MFSD6: variants seen among roughly 807,000 people sequenced by gnomAD.
MFSD6 encodes the protein major facilitator superfamily domain-containing protein 6.
MFSD6 carries 26 observed loss-of-function variants against 56.3 expected under a neutral mutation model. That is an observed-to-expected ratio of 0.46 (90% confidence interval 0.34 to 0.64). The LOEUF is 0.64. MFSD6 is among the 30% of genes least tolerant of loss of function. MFSD6 has a pLI of 0.01. For missense variants in MFSD6, 750 were observed against 986.2 expected (o/e 0.76, Z 3.21); for synonymous variants, 331 against 366.9 (o/e 0.90, Z 1.12).
At chr2:190,420,954 A>T (rs926085645) in intron 2 of MFSD6, among the ~76,000 whole-genome samples, 11 of 152,242 alleles carry the variant, frequency 7.2e-5, no homozygotes, top group African/African-American at 2.7e-4. Flanking sequence ...AAACATTTCC[A>T]TAACGACTTT....
intron 2 of MFSD6, among the ~76,000 whole-genome samples, chr2:190,429,121 G>T (rs1685877419): frequency 6.6e-6 from 1 of 151,824 alleles, no homozygotes; most frequent in Non-Finnish European, 1.5e-5. Context: ...GCCTATTCAA[G>T]CTTTTTGCTT....
upstream of MFSD6, among the ~76,000 whole-genome samples, chr2:190,408,011 G>C (rs1337421239): frequency 1.3e-5 from 2 of 152,212 alleles, no homozygotes; most frequent in East Asian, 3.9e-4. Flanking sequence ...GCCTCGCCCA[G>C]TGCTTTCGCC....
chr2:190,436,812 T>C lies in MFSD6; in HGVS notation c.783T>C (p.Thr261=), dbSNP rs1057361070. The C allele has an allele frequency of 6.2e-7, 1 of 1,614,100 alleles. No homozygotes were observed. Among genetic ancestry groups the C allele is most frequent in the Non-Finnish European group, 8.5e-7 (1 of 1,180,046 alleles). The part of the protein sequence containing the change: ...SPGSVTKETT[T]VIVTTTKSLP... ...GAAGCGTAACCAAGGAGACAACCAC[T>C]GTTATTGTTACCACCACCAAATCTT... The change falls in exon 3 of 8, where the codon ACT becomes ACC. Residue 261 remains threonine, a synonymous_variant. Transcript: ENST00000392328. The surrounding 1 kb of genome is among the most constrained non-coding windows in gnomAD (Gnocchi z 5.3).
chr2:190,436,976 A>G lies in MFSD6; in HGVS notation c.947A>G (p.Tyr316Cys). Residue 316 changes from tyrosine (Y) to cysteine (C), a missense_variant, in exon 3 of 8, where the codon TAT (tyrosine) becomes TGT (cysteine). Transcript: ENST00000392328. This position sits in a 1 kb window ranked among gnomAD's most constrained non-coding sequence, Gnocchi z 5.3. ...VTIVDTVTLQYLGKHRDRYGL... is the reference protein window; with the variant it reads ...VTIVDTVTLQCLGKHRDRYGL... ...ATCGTAGACACGGTCACACTCCAGT[A>G]TCTGGGAAAACACAGAGATCGCTAT... The G allele has an allele frequency of 6.2e-7, 1 of 1,614,244 alleles. No individual in the cohort carries two copies. The highest frequency in any genetic ancestry group is 8.5e-7 in the Non-Finnish European group (1 of 1,180,050).
rs764378057 is a variant in MFSD6 at position 190,469,788 on chromosome 2, G to A, written c.1563G>A (p.Thr521=). ...RVLYIGLACN[T]ARYIYISYLE... ...TGTACATTGGCCTGGCCTGCAATAC[G>A]GCTCGCTATATTTATATTTCCTACC... The change falls in exon 4 of 8, where the codon ACG becomes ACA. Residue 521 remains threonine, a synonymous_variant. Coordinates refer to ENST00000392328, the MANE Select transcript of MFSD6 (RefSeq NM_017694.4). The surrounding 1 kb of genome is among the most constrained non-coding windows in gnomAD (Gnocchi z 5.3). 58 of 1,605,532 alleles carry A rather than the reference G, an allele frequency of 3.6e-5. No homozygotes were observed. Among genetic ancestry groups the A allele is most frequent in the South Asian group, 7.8e-5 (7 of 90,160 alleles).
chr2:190,449,360 G>A (rs1215414324), intron 3 of MFSD6, among the ~76,000 whole-genome samples: 2 of 152,130 alleles, frequency 1.3e-5, no homozygotes, highest in Non-Finnish European at 2.9e-5. Flanking sequence ...TGTAGTCCCA[G>A]CTACTTGGGA....
chr2:190,484,130 A>C (rs561404265), intron 4 of MFSD6, among the ~76,000 whole-genome samples: 1 of 152,282 alleles, frequency 6.6e-6, no homozygotes, highest in African/African-American at 2.4e-5. Flanking sequence ...ATTGTCACTG[A>C]AGGCTCAGTG....
rs1687580354 is a variant in MFSD6, at chr2:190,465,878, A to C, written c.1533-3880A>C. ...CCTGGTAGCATGCACCTGTAATCTCAGCTACTTGGGAGGCTGAGGCAGAAG... is the reference window on the plus strand; with the variant it reads ...CCTGGTAGCATGCACCTGTAATCTCCGCTACTTGGGAGGCTGAGGCAGAAG... On this transcript the variant is annotated intron_variant, in intron 3 of 7. Coordinates refer to ENST00000392328, the MANE Select transcript of MFSD6 (RefSeq NM_017694.4). The surrounding 1 kb of genome is among the most constrained non-coding windows in gnomAD (Gnocchi z 4.6). Among the ~76,000 whole-genome samples, 1 of 152,214 alleles carries C rather than the reference A, an allele frequency of 6.6e-6. No homozygotes were observed. Among genetic ancestry groups the C allele is most frequent in the Non-Finnish European group, 1.5e-5 (1 of 68,038 alleles).
At position 190,496,387 on chromosome 2, in the gene MFSD6, A is replaced by C. The variant is rs372217305; in HGVS notation, c.1892-1052A>C. On this transcript the variant is annotated intron_variant, in intron 6 of 7. Coordinates refer to ENST00000392328, the MANE Select transcript of MFSD6 (RefSeq NM_017694.4). The surrounding 1 kb of genome is among the most constrained non-coding windows in gnomAD (Gnocchi z 4.7). ...AAACACTTCTACACTGCTGGTAGGAATGTAAGCTGTACAAACACTATGGAA... is the reference window on the plus strand; with the variant it reads ...AAACACTTCTACACTGCTGGTAGGACTGTAAGCTGTACAAACACTATGGAA... Among the ~76,000 whole-genome samples the C allele has an allele frequency of 1.5e-4, 23 of 152,332 alleles. No homozygotes were observed. In the East Asian group the frequency reaches 3.5e-3, roughly 23 times the overall value.
chr2:190,470,005 T>C, intron 4 of MFSD6, 150 bp downstream of exon 4: 1 of 570,948 alleles, frequency 1.8e-6, no homozygotes, highest in East Asian at 3.0e-5. Flanking sequence ...AGAGATGACA[T>C]CAGGAGGGAT....
rs1245333468 is a variant in MFSD6 at position 190,443,189 on chromosome 2, GA to G, written c.1532+5636del. ...GTGGGCCTAAGACATAAGCAAGGGAGAAAAAAAATAAAAGGAACAGGACTTT... is the reference window on the plus strand; with the variant it reads ...GTGGGCCTAAGACATAAGCAAGGGAGAAAAAAATAAAAGGAACAGGACTTT... On this transcript the variant is annotated intron_variant, in intron 3 of 7. Transcript: ENST00000392328. This position sits in a 1 kb window ranked among gnomAD's most constrained non-coding sequence, Gnocchi z 4.2. Among the ~76,000 whole-genome samples, 2 of 151,836 alleles carry G rather than the reference GA, an allele frequency of 1.3e-5. No homozygotes were observed. Among genetic ancestry groups the G allele is most frequent in the South Asian group, 2.1e-4 (1 of 4,822 alleles).
intron 4 of MFSD6, among the ~76,000 whole-genome samples, chr2:190,470,241 T>G (rs1481425958): frequency 6.6e-6 from 1 of 152,228 alleles, no homozygotes; most frequent in Non-Finnish European, 1.5e-5. Flanking sequence ...AAAAAAAGAT[T>G]GTTGTCATAA....
intron 4 of MFSD6, among the ~76,000 whole-genome samples, chr2:190,478,619 C>G (rs894894093): frequency 1.3e-5 from 2 of 152,118 alleles, no homozygotes; most frequent in African/African-American, 4.8e-5. Context: ...AAACAAATCA[C>G]TGAATGATTT....
Position 190,456,751 on chromosome 2 carries a change from T to C in MFSD6, c.1533-13007T>C, listed in dbSNP as rs985448252. On this transcript the variant is annotated intron_variant, in intron 3 of 7. Transcript: ENST00000392328. This position sits in a 1 kb window ranked among gnomAD's most constrained non-coding sequence, Gnocchi z 5.4. ...CAGCTGCAGGTAAGAGGTGGAAACC[T>C]TGGCTCACCCCTCGTCCTGCCTCAG... Among the ~76,000 whole-genome samples, 11 of 152,224 alleles carry C rather than the reference T, an allele frequency of 7.2e-5. No homozygotes were observed. The highest frequency in any genetic ancestry group is 2.7e-4 in the African/African-American group (11 of 41,462).
At chr2:190,453,054 G>A (rs1051306842) in intron 3 of MFSD6, among the ~76,000 whole-genome samples, 5 of 152,150 alleles carry the variant, frequency 3.3e-5, no homozygotes, top group African/African-American at 1.2e-4. Flanking sequence ...TGGAGCTCAT[G>A]TTCTGTTGGA....
At position 190,425,024 on chromosome 2, in the gene MFSD6, T is replaced by G. The variant is rs1396566997; in HGVS notation, c.-54+9611T>G. On this transcript the variant is annotated intron_variant, in intron 2 of 7. Transcript: ENST00000392328. This position sits in a 1 kb window ranked among gnomAD's most constrained non-coding sequence, Gnocchi z 4.3. ...GGATCCATTTATTTAGCTCTTTGATTTCTTTCATCAGCATTTTATGGTTTT... is the reference window on the plus strand; with the variant it reads ...GGATCCATTTATTTAGCTCTTTGATGTCTTTCATCAGCATTTTATGGTTTT... Among the ~76,000 whole-genome samples the G allele has an allele frequency of 6.6e-6, 1 of 152,230 alleles. No individual in the cohort carries two copies. The highest frequency in any genetic ancestry group is 1.5e-5 in the Non-Finnish European group (1 of 68,048).
chr2:190,449,699 T>C (rs1424267214), intron 3 of MFSD6, among the ~76,000 whole-genome samples: 1 of 152,038 alleles, frequency 6.6e-6, no homozygotes, highest in Non-Finnish European at 1.5e-5. Context: ...AAATGATGAG[T>C]TCATGTCCTT....
At chr2:190,429,194 A>G (rs1685880026) in intron 2 of MFSD6, among the ~76,000 whole-genome samples, 1 of 151,438 alleles carries the variant, frequency 6.6e-6, no homozygotes. Context: ...TTTAAAGAAT[A>G]AATTTTTATA....
Position 190,417,418 on chromosome 2 carries a change from T to A in MFSD6, c.-54+2005T>A, listed in dbSNP as rs1035028094. Among the ~76,000 whole-genome samples the A allele has an allele frequency of 6.6e-6, 1 of 152,188 alleles. No individual in the cohort carries two copies. ...TGTGTACATCACCTGTGCTTGCTCC[T>A]GTTTGAACATTTAGCATAAGGTGTT... On this transcript the variant is annotated intron_variant, in intron 2 of 7. Transcript: ENST00000392328. The surrounding 1 kb of genome is among the most constrained non-coding windows in gnomAD (Gnocchi z 5.7).
Sources: allele counts gnomAD v4.1 joint callset (sites outside exome capture counted in the v4.1 genomes callset), GRCh38; gene constraint gnomAD v4.1.1; non-coding constraint Gnocchi (gnomAD v3.1); transcripts MANE v1.5; gene names NCBI Gene and HGNC (gene_info 2026-07-23, HGNC 2026-07-21).